KAZN: variants seen among roughly 807,000 people sequenced by gnomAD.
The protein encoded by KAZN is kazrin, periplakin interacting protein, also known as kazrin.
In KAZN, 40 loss-of-function variants were observed where a neutral mutation model predicts 87.4. The observed-to-expected ratio is 0.46, with a 90% confidence interval of 0.36 to 0.60. The LOEUF (loss-of-function observed/expected upper bound fraction) is 0.60, where lower values mean the gene tolerates loss of function less well. Among genes scored for constraint, KAZN ranks in the 20% least tolerant of loss-of-function variants. The pLI, the probability that KAZN is intolerant of heterozygous loss-of-function variation, is 0.00. For synonymous variants in KAZN, 466 were observed against 458.3 expected (o/e 1.02, Z -0.22); for missense variants, 898 against 1,073.9 (o/e 0.84, Z 2.29).
chr1:14,106,220 CAACAG>C (rs1644371167), intron 1 of KAZN, among the ~76,000 whole-genome samples: 1 of 152,178 alleles, frequency 6.6e-6, no homozygotes, highest in Admixed American at 6.5e-5. Context: ...CCAAAGCCCC[CAACAG>C]AACCCAACAC....
intron 1 of KAZN, among the ~76,000 whole-genome samples, chr1:13,957,372 A>G (rs1208884669): frequency 2.6e-5 from 4 of 152,224 alleles, no homozygotes; most frequent in African/African-American, 9.6e-5. Context: ...TAAGCAAGCT[A>G]AACTAAGATA....
chr1:14,662,476 G>A (rs1639242798), intron 1 of KAZN, among the ~76,000 whole-genome samples: 1 of 152,152 alleles, frequency 6.6e-6, no homozygotes, highest in African/African-American at 2.4e-5. Flanking sequence ...GTTAGGCTGT[G>A]GGAGGACGAA....
intron 1 of KAZN, among the ~76,000 whole-genome samples, chr1:14,733,528 C>G (rs1464117603): frequency 2.0e-5 from 3 of 152,098 alleles, no homozygotes; most frequent in African/African-American, 7.2e-5. Context: ...CCTTCAGAGT[C>G]GGGCAGAGAT....
At chr1:14,058,030 T>A in intron 1 of KAZN, among the ~76,000 whole-genome samples, 1 of 152,188 alleles carries the variant, frequency 6.6e-6, no homozygotes, top group Non-Finnish European at 1.5e-5. Flanking sequence ...GGAAAAGTTG[T>A]TATCCTTCTT....
intron 1 of KAZN, among the ~76,000 whole-genome samples, chr1:14,709,262 A>G (rs1176935513): frequency 6.6e-6 from 1 of 152,244 alleles, no homozygotes; most frequent in Non-Finnish European, 1.5e-5. Context: ...CTTGAATTCT[A>G]GAATGAAAAA....
intron 1 of KAZN, among the ~76,000 whole-genome samples, chr1:14,718,307 C>T (rs539393701): frequency 3.9e-5 from 6 of 152,304 alleles, no homozygotes; most frequent in African/African-American, 1.2e-4. Context: ...GAATTCAAAC[C>T]GTGGTAGGCG....
At chr1:14,514,825 T>C (rs1351740424) in intron 2 of KAZN, among the ~76,000 whole-genome samples, 1 of 151,612 alleles carries the variant, frequency 6.6e-6, no homozygotes. Context: ...AATAAACCAA[T>C]GCACCTGATA....
chr1:14,638,254 C>T (rs1012687860), intron 1 of KAZN, among the ~76,000 whole-genome samples: 8 of 152,122 alleles, frequency 5.3e-5, no homozygotes, highest in Non-Finnish European at 1.0e-4. Flanking sequence ...CAACCCACAA[C>T]GTGTGTGCAC....
intron 1 of KAZN, among the ~76,000 whole-genome samples, chr1:14,155,829 T>C (rs889609752): frequency 6.6e-6 from 1 of 152,150 alleles, no homozygotes; most frequent in Non-Finnish European, 1.5e-5. Flanking sequence ...TTTGTATTTT[T>C]AGTAGAGATG....
At chr1:14,473,527 T>G (rs1668560858) in intron 2 of KAZN, among the ~76,000 whole-genome samples, 1 of 151,056 alleles carries the variant, frequency 6.6e-6, no homozygotes, top group African/African-American at 2.4e-5. Context: ...CTTGGGAAGC[T>G]GAGGCAGGAG....
intron 2 of KAZN, among the ~76,000 whole-genome samples, chr1:14,979,719 G>A (rs1666040072): frequency 6.6e-6 from 1 of 152,218 alleles, no homozygotes; most frequent in African/African-American, 2.4e-5. Context: ...CATTGGAATT[G>A]ATGTTCCTGA....
At chr1:13,978,993 G>A (rs761859851) in intron 1 of KAZN, among the ~76,000 whole-genome samples, 9 of 152,062 alleles carry the variant, frequency 5.9e-5, no homozygotes, top group Non-Finnish European at 8.8e-5. Context: ...CTACTTGGGA[G>A]GCTGAGGTGG....
chr1:15,009,502 C>CT (rs1669371018), intron 2 of KAZN, among the ~76,000 whole-genome samples: 1 of 152,282 alleles, frequency 6.6e-6, no homozygotes, highest in African/African-American at 2.4e-5. Context: ...AACGTGCTTC[C>CT]ACAGCTGCAA....
In KAZN at chr1:14,292,038, G is replaced by A. The variant is rs77369353; in HGVS notation, c.249+111446G>A. ...TATTTCTTCATAGCAGCTTGAGGAT[G>A]GACTAATACAGACCCCCTGTAATTT... is the stretch of plus-strand genomic sequence containing the variant. On this transcript the variant is annotated intron_variant, in intron 2 of 16. Coordinates refer to the KAZN transcript ENST00000636203. Among the ~76,000 whole-genome samples, 724 of 152,222 alleles carry A rather than the reference G, an allele frequency of 4.8e-3. 7 individuals are homozygous for A. Among genetic ancestry groups the A allele is most frequent in the African/African-American group, 0.017 (697 of 41,522 alleles).
intron 1 of KAZN, among the ~76,000 whole-genome samples, chr1:14,871,776 G>T (rs1017824157): frequency 5.3e-5 from 8 of 151,910 alleles, no homozygotes; most frequent in African/African-American, 1.9e-4. Context: ...TGATTGACCA[G>T]ATCTGAGTCA....
chr1:14,365,368 TG>T (rs796259489), intron 2 of KAZN, among the ~76,000 whole-genome samples: 27,847 of 83,412 alleles, frequency 0.33, 3,208 homozygotes, highest in Non-Finnish European at 0.41. Flanking sequence ...CCCCCCGGGG[TG>T]GGGGGGGGGG....
At chr1:14,220,093 T>C (rs1408100165) in intron 2 of KAZN, among the ~76,000 whole-genome samples, 1 of 152,216 alleles carries the variant, frequency 6.6e-6, no homozygotes, top group African/African-American at 2.4e-5. Context: ...TGGTGTCTTT[T>C]GGCTGCTTTT....
intron 2 of KAZN, among the ~76,000 whole-genome samples, chr1:14,972,214 A>AG (rs1490428463): frequency 2.4e-4 from 36 of 152,200 alleles, no homozygotes; most frequent in Non-Finnish European, 4.7e-4. Flanking sequence ...GCAGGTCTTC[A>AG]TGCCTACCTG....
intron 1 of KAZN, among the ~76,000 whole-genome samples, chr1:14,891,366 G>A (rs1291630771): frequency 9.9e-5 from 15 of 151,962 alleles, no homozygotes; most frequent in African/African-American, 2.4e-4. Flanking sequence ...ATGCCTTTGC[G>A]TCCTCATAGC....
Sources: gnomAD v4.1 joint callset for allele counts (sites outside exome capture counted in the v4.1 genomes callset) on GRCh38, gnomAD v4.1.1 for gene constraint, MANE v1.5 for transcripts, NCBI Gene and HGNC (gene_info 2026-07-23, HGNC 2026-07-21) for gene names.